GAS6: variants seen among roughly 807,000 people sequenced by gnomAD.
The protein encoded by GAS6 is growth arrest-specific protein 6.
A neutral mutation model predicts 75.8 loss-of-function variants in GAS6; 41 were observed. That is an observed-to-expected ratio of 0.54 (90% CI 0.42 to 0.70). GAS6 has a LOEUF of 0.70. Ranked by LOEUF, GAS6 falls within the 30% of genes least tolerant of loss-of-function variation. The pLI is 0.00. For synonymous variants in GAS6, 432 were observed against 412.6 expected, an observed-to-expected ratio of 1.05 and a Z score of -0.57; for missense variants, 854 against 940.2, an observed-to-expected ratio of 0.91 and a Z score of 1.20.
chr13:113,840,349 T>C (rs1000383005), intron 4 of GAS6: 8 of 163,434 alleles, frequency 4.9e-5, no homozygotes, highest in Non-Finnish European at 9.2e-5. Flanking sequence ...GAAGCCCCCC[T>C]CTTTCTGCTT....
At position 113,827,272 on chromosome 13, in the gene GAS6, G is replaced by A. The variant is rs182396099; in HGVS notation, c.1309-108C>T. ...GCGGCCCTGGTATGTGCAGCTCTAC[G>A]GCAGAAACGGGCCAGTCCCATCGGT... is the stretch of plus-strand genomic sequence containing the variant. On this transcript the variant is annotated intron_variant, in intron 11 of 14. Coordinates refer to ENST00000327773, the MANE Select transcript of GAS6 (RefSeq NM_000820.4). The A allele has an allele frequency of 7.8e-4, 829 of 1,061,302 alleles. 3 individuals carry two copies. The highest frequency in any genetic ancestry group is 4.9e-3 in the African/African-American group (306 of 62,770). The allele number at this position is 1,061,302 out of a possible 1,614,324, so 65.7% of individuals were successfully genotyped here.
intron 10 of GAS6, 104 bp downstream of exon 10, chr13:113,832,195 G>A: frequency 7.8e-7 from 1 of 1,279,304 alleles, no homozygotes; most frequent in Non-Finnish European, 1.1e-6. Context: ...AGCAGATGCA[G>A]GCCCCAGAGC....
At chr13:113,822,356 A>G (rs2051472523) in intron 13 of GAS6, 170 bp from the exon 14 acceptor site, 18 of 498,278 alleles carry the variant, frequency 3.6e-5, no homozygotes, top group Middle Eastern at 5.1e-4. Context: ...TGACACCCCC[A>G]CCCCACCTGG....
intron 7 of GAS6, among the ~76,000 whole-genome samples, chr13:113,835,298 T>C (rs886178532): frequency 2.0e-5 from 3 of 152,232 alleles, no homozygotes; most frequent in Non-Finnish European, 4.4e-5. Flanking sequence ...GTGCGGTTCG[T>C]TCATGTGCAC....
intron 10 of GAS6, among the ~76,000 whole-genome samples, chr13:113,829,932 AC>A (rs1263912385): frequency 6.6e-6 from 1 of 150,402 alleles, no homozygotes; most frequent in East Asian, 2.0e-4. Context: ...CAGGGAGACC[AC>A]CTGATCCTCA....
At chr13:113,834,235 A>G (rs115562418) in intron 8 of GAS6, among the ~76,000 whole-genome samples, 3 of 150,852 alleles carry the variant, frequency 2.0e-5, no homozygotes, top group Non-Finnish European at 4.4e-5. Context: ...TGTGACAGGC[A>G]CCGGTGTGAC....
At chr13:113,857,860 G>A (rs2051926696) in intron 2 of GAS6, among the ~76,000 whole-genome samples, 1 of 152,258 alleles carries the variant, frequency 6.6e-6, no homozygotes, top group African/African-American at 2.4e-5. Context: ...AAGCCCCGGA[G>A]GAGCCTGGCA....
At chr13:113,834,469 G>C (rs548626507) in intron 8 of GAS6, 82 bp downstream of exon 8, 2 of 1,354,216 alleles carry the variant, frequency 1.5e-6, no homozygotes, top group African/African-American at 3.0e-5. Flanking sequence ...AGGTCTTCAC[G>C]GAAGTGTTTC....
chr13:113,857,213 G>A (rs2051921967), intron 2 of GAS6, among the ~76,000 whole-genome samples: 1 of 152,154 alleles, frequency 6.6e-6, no homozygotes, highest in African/African-American at 2.4e-5. Flanking sequence ...ACATTAACAA[G>A]GCCCAATGCA....
intron 2 of GAS6, among the ~76,000 whole-genome samples, chr13:113,855,747 T>A (rs1417943394): frequency 6.6e-6 from 1 of 152,078 alleles, no homozygotes; most frequent in Non-Finnish European, 1.5e-5. Context: ...ATGCCCTGAC[T>A]GCGACCACCA....
Position 113,863,582 on chromosome 13 carries a change from G to C in GAS6, c.248C>G (p.Pro83Arg). The C allele has an allele frequency of 6.6e-7, 1 of 1,514,802 alleles. No individual in the cohort carries two copies. Among genetic ancestry groups the C allele is most frequent in the Middle Eastern group, 1.7e-4 (1 of 5,796 alleles). The allele number at this position is 1,514,802 out of a possible 1,614,324, so 93.8% of individuals were successfully genotyped here. Residue 83 changes from proline to arginine, a missense_variant, in exon 2 of 15, where the codon CCC becomes CGC. By Grantham distance (103) the Pro-to-Arg change is moderately radical. Coordinates refer to ENST00000327773, the MANE Select transcript of GAS6 (RefSeq NM_000820.4). The surrounding 1 kb of genome is among the most constrained non-coding windows in gnomAD (Gnocchi z 9.4). ...EEAREVFEND[P>R]ETDYFYPRYL... is the part of the protein sequence containing the mutation. ...CGCCCGCCGGCTGCTCACCGTCTCG[G>C]GGTCGTTCTCGAACACCTCCCGCGC... is the stretch of plus-strand genomic sequence containing the variant.
intron 12 of GAS6, among the ~76,000 whole-genome samples, chr13:113,826,547 G>A (rs1319072146): frequency 1.7e-5 from 2 of 115,426 alleles, no homozygotes; most frequent in Non-Finnish European, 3.6e-5. Flanking sequence ...CGCCGGCCTC[G>A]CAGGCACCTT....
chr13:113,833,627 G>A, intron 8 of GAS6: 1 of 1,015,344 alleles, frequency 9.8e-7, no homozygotes, highest in Non-Finnish European at 1.2e-6. Context: ...ACAGGTCGGT[G>A]TGACAGGCAC....
chr13:113,842,878 C>T (rs2051800941), intron 4 of GAS6: 1 of 397,036 alleles, frequency 2.5e-6, no homozygotes, highest in African/African-American at 2.1e-5. Flanking sequence ...GGAAAGACCT[C>T]TGTCCCTGAG....
chr13:113,825,378 C>T (rs1425549049), intron 12 of GAS6, among the ~76,000 whole-genome samples: 1 of 152,130 alleles, frequency 6.6e-6, no homozygotes, highest in Non-Finnish European at 1.5e-5. Context: ...GGAGGCTGCA[C>T]AGACCCGGAG....
intron 4 of GAS6, chr13:113,842,822 G>A: frequency 2.5e-6 from 1 of 396,942 alleles, no homozygotes; most frequent in Non-Finnish European, 4.4e-6. Context: ...CCCATGTGAT[G>A]CAAAGGGCTG....
In GAS6 at chr13:113,834,895, G is replaced by A. The variant is rs891004564; in HGVS notation, c.713-223C>T. 1.2e-4 allele frequency: 52 copies of A among 417,860 alleles called. No homozygotes were observed. In the East Asian group the frequency reaches 1.5e-3, roughly 12 times the overall value. The allele number at this position is 417,860 out of a possible 1,614,324, so 25.9% of individuals were successfully genotyped here. On this transcript the variant is annotated intron_variant, in intron 7 of 14. Transcript: ENST00000327773. ...TCTTTCTTGAGGGAATAAAAATGTC[G>A]CAGGTGTCCCAGGAGGGTGCTCCCA...
chr13:113,859,360 C>T (rs949454690), intron 2 of GAS6, among the ~76,000 whole-genome samples: 24 of 139,088 alleles, frequency 1.7e-4, no homozygotes, highest in African/African-American at 6.5e-4. Flanking sequence ...GTCTGTGTGA[C>T]TGTATGTCTA....
chr13:113,839,550 A>C (rs2051753540), intron 5 of GAS6, 178 bp downstream of exon 5: 2 of 709,696 alleles, frequency 2.8e-6, no homozygotes, highest in Admixed American at 6.1e-5. Flanking sequence ...CCCAGAAAGG[A>C]GACTGCAGCT....
Sources: allele counts gnomAD v4.1 joint callset (sites outside exome capture counted in the v4.1 genomes callset), GRCh38; gene constraint gnomAD v4.1.1; non-coding constraint Gnocchi (gnomAD v3.1); transcripts MANE v1.5; gene names NCBI Gene and HGNC (gene_info 2026-07-23, HGNC 2026-07-21).